The following SLC44A5 variants were observed in gnomAD, a reference collection of about 807,000 sequenced individuals.
SLC44A5 encodes solute carrier family 44 member 5.
A neutral mutation model predicts 101.8 loss-of-function variants in SLC44A5; 57 were observed. The ratio of observed to expected loss-of-function variants is 0.56; its 90% confidence interval spans 0.45 to 0.70. The LOEUF is 0.70. Ranked by LOEUF, SLC44A5 falls within the 30% of genes least tolerant of loss-of-function variation. The pLI, the probability that SLC44A5 is intolerant of heterozygous loss-of-function variation, is 0.00. For synonymous variants in SLC44A5, 281 were observed against 290.9 expected, an observed-to-expected ratio of 0.97 and a Z score of 0.35; for missense variants, 737 against 853.1, an observed-to-expected ratio of 0.86 and a Z score of 1.70.
chr1:75,596,202 G>GCACA (rs76901767), intron 1 of SLC44A5, among the ~76,000 whole-genome samples: 2,945 of 141,024 alleles, frequency 0.021, 78 homozygotes, highest in African/African-American at 0.069. Flanking sequence ...GTAGACACAT[G>GCACA]CACACACACA....
At chr1:75,603,940 A>G (rs950964673) in intron 1 of SLC44A5, among the ~76,000 whole-genome samples, 7 of 151,798 alleles carry the variant, frequency 4.6e-5, no homozygotes, top group Non-Finnish European at 1.0e-4. Context: ...ACAGTTTGTG[A>G]ATATTTTCTC....
upstream of SLC44A5, among the ~76,000 whole-genome samples, chr1:75,613,999 T>C (rs141362699): frequency 6.2e-3 from 947 of 152,272 alleles, 7 homozygotes; most frequent in Non-Finnish European, 0.011. Flanking sequence ...AACTGTAAAA[T>C]TTTTTCCACT....
At chr1:75,332,753 ACT>A (rs950195296) in intron 4 of SLC44A5, among the ~76,000 whole-genome samples, 24 of 152,224 alleles carry the variant, frequency 1.6e-4, no homozygotes, top group Admixed American at 1.4e-3. Context: ...AGATTCACTG[ACT>A]CTGTGATTCA....
chr1:75,611,934 A>T (rs908278322), upstream of SLC44A5, among the ~76,000 whole-genome samples: 17 of 151,994 alleles, frequency 1.1e-4, no homozygotes, highest in Admixed American at 3.3e-4. Flanking sequence ...GACCCCTCAG[A>T]ATCCCCCTCT....
chr1:75,312,039 G>A (rs1444311914), intron 4 of SLC44A5, among the ~76,000 whole-genome samples: 1 of 152,106 alleles, frequency 6.6e-6, no homozygotes, highest in Admixed American at 6.5e-5. Flanking sequence ...GGGGGCTGGT[G>A]GGAGATAGTT....
intron 2 of SLC44A5, among the ~76,000 whole-genome samples, chr1:75,481,379 G>T (rs1404585456): frequency 1.3e-5 from 2 of 152,078 alleles, no homozygotes; most frequent in African/African-American, 4.8e-5. Flanking sequence ...AAAAGCAATG[G>T]CAACAAAAGC....
chr1:75,617,998 T>C, the SLC44A5 span, among the ~76,000 whole-genome samples: 4 of 152,212 alleles, frequency 2.6e-5, no homozygotes, highest in African/African-American at 9.6e-5. Flanking sequence ...TTACAGACGG[T>C]GAAATGGGAT....
chr1:75,704,628 G>T, the SLC44A5 span, among the ~76,000 whole-genome samples: 1 of 152,068 alleles, frequency 6.6e-6, no homozygotes, highest in Non-Finnish European at 1.5e-5. Flanking sequence ...TTTTGCAGTG[G>T]TTATTACTGG....
intron 2 of SLC44A5, among the ~76,000 whole-genome samples, chr1:75,481,937 T>A (rs1667883322): frequency 6.6e-6 from 1 of 152,184 alleles, no homozygotes; most frequent in Non-Finnish European, 1.5e-5. Flanking sequence ...CCCAAAGGAC[T>A]ATAAATCATG....
the SLC44A5 span, among the ~76,000 whole-genome samples, chr1:75,651,564 G>T: frequency 1.3e-5 from 2 of 151,940 alleles, no homozygotes; most frequent in Non-Finnish European, 2.9e-5. Flanking sequence ...GGGCGTGGTG[G>T]TGGGTGTCTG....
the SLC44A5 span, among the ~76,000 whole-genome samples, chr1:75,680,507 G>A: frequency 6.6e-6 from 1 of 150,796 alleles, no homozygotes; most frequent in East Asian, 1.9e-4. Flanking sequence ...GCTCCTGAAT[G>A]ACTACTGGGT....
chr1:75,549,215 A>G (rs186531716), intron 1 of SLC44A5, among the ~76,000 whole-genome samples: 1 of 152,234 alleles, frequency 6.6e-6, no homozygotes, highest in East Asian at 1.9e-4. Context: ...TGAGATTGGC[A>G]TTGTTCTCTG....
chr1:75,233,352 C>A (rs934153723), intron 12 of SLC44A5, among the ~76,000 whole-genome samples: 2 of 152,100 alleles, frequency 1.3e-5, no homozygotes, highest in Non-Finnish European at 2.9e-5. Flanking sequence ...CCCTTCCAGT[C>A]GTCAACCCTT....
In SLC44A5 at chr1:75,227,744, G is replaced by C; in HGVS notation, c.967C>G (p.Gln323Glu). ...TACTCACTAAATGTGAACCATGTTT[G>C]TTGCAGTTCAAAGTACATGCTTATG... ...TNISMYFELQQTWFTFMIILC... is the reference protein window; with the variant it reads ...TNISMYFELQETWFTFMIILC... Residue 323 changes from glutamine (Q) to glutamate (E), a missense_variant, in exon 13 of 24, where the codon CAA becomes GAA. By Grantham distance (29) the Gln-to-Glu change is conservative. This residue lies in a region of SLC44A5 where 665 missense variants were observed against 764.4 expected (regional missense o/e 0.87). Coordinates refer to ENST00000370859, the MANE Select transcript of SLC44A5 (RefSeq NM_001130058.2). The C allele has an allele frequency of 6.4e-7, 1 of 1,556,208 alleles. No individual in the cohort carries two copies. The highest frequency in any genetic ancestry group is 8.6e-7 in the Non-Finnish European group (1 of 1,162,660).
chr1:75,331,003 T>C (rs1657013435), intron 4 of SLC44A5, among the ~76,000 whole-genome samples: 1 of 150,900 alleles, frequency 6.6e-6, no homozygotes, highest in Admixed American at 6.6e-5. Flanking sequence ...AACATCTGAT[T>C]CTCCTGCCTT....
At chr1:75,246,118 G>A (rs1389217693) in intron 7 of SLC44A5, among the ~76,000 whole-genome samples, 1 of 152,028 alleles carries the variant, frequency 6.6e-6, no homozygotes, top group African/African-American at 2.4e-5. Context: ...GCACCACAAA[G>A]GGCACTTTGC....
chr1:75,371,640 T>C (rs1187342862), intron 3 of SLC44A5, among the ~76,000 whole-genome samples: 1 of 152,200 alleles, frequency 6.6e-6, no homozygotes, highest in East Asian at 1.9e-4. Context: ...TTTTAATAAT[T>C]TGAAAGAGAC....
chr1:75,220,200 T>C (rs1647049677), intron 14 of SLC44A5, among the ~76,000 whole-genome samples: 1 of 152,124 alleles, frequency 6.6e-6, no homozygotes, highest in Non-Finnish European at 1.5e-5. Context: ...TCTTAGACTT[T>C]TAAAATTGAA....
intron 23 of SLC44A5, chr1:75,204,352 C>T (rs1169648677): frequency 1.3e-5 from 2 of 152,052 alleles, no homozygotes; most frequent in African/African-American, 4.8e-5. Context: ...AAAAACAATG[C>T]TCATTTTTAT....
Sources: gnomAD v4.1 joint callset for allele counts (sites outside exome capture counted in the v4.1 genomes callset) on GRCh38, gnomAD v4.1.1 for gene constraint, gnomAD v4.1.1 regional missense constraint, MANE v1.5 for transcripts, NCBI Gene and HGNC (gene_info 2026-07-23, HGNC 2026-07-21) for gene names.